The following GON4L variants were observed in gnomAD, a reference collection of about 807,000 sequenced individuals.
GON4L encodes the protein gon-4 like.
A neutral mutation model predicts 211.8 loss-of-function variants in GON4L; 87 were observed. That is an observed-to-expected ratio of 0.41 (90% CI 0.35 to 0.49). GON4L has a LOEUF of 0.49. GON4L is among the 20% of genes least tolerant of loss of function. The probability of loss-of-function intolerance (pLI) is 0.15; values close to 1 mark genes in which losing one functional copy is unlikely to be tolerated. For synonymous variants in GON4L, 875 were observed against 962.6 expected (o/e 0.91, Z 1.68); for missense variants, 2,155 against 2,659.5 (o/e 0.81, Z 4.17).
At chr1:155,810,630 C>T (rs966100559) in intron 10 of GON4L, among the ~76,000 whole-genome samples, 23 of 150,522 alleles carry the variant, frequency 1.5e-4, no homozygotes, top group African/African-American at 5.6e-4. Flanking sequence ...TGACATGAAC[C>T]TGGGAGGCAG....
chr1:155,820,117 T>C (rs1668605722), intron 6 of GON4L, among the ~76,000 whole-genome samples: 1 of 152,172 alleles, frequency 6.6e-6, no homozygotes, highest in African/African-American at 2.4e-5. Flanking sequence ...TTTCACTATG[T>C]TGGCCAGGCT....
intron 10 of GON4L, among the ~76,000 whole-genome samples, chr1:155,810,211 G>T (rs1231592666): frequency 1.3e-5 from 2 of 150,728 alleles, no homozygotes; most frequent in Non-Finnish European, 1.5e-5. Flanking sequence ...GACCAGGCTG[G>T]TCTCAAACCT....
upstream of GON4L, among the ~76,000 whole-genome samples, chr1:155,858,259 A>T (rs531420795): frequency 2.3e-3 from 353 of 152,282 alleles, 2 homozygotes; most frequent in Non-Finnish European, 2.4e-3. Flanking sequence ...CACGGAGATT[A>T]AAAAAATAAT....
intron 1 of GON4L, among the ~76,000 whole-genome samples, chr1:155,855,507 C>T (rs908539476): frequency 2.0e-5 from 3 of 152,094 alleles, no homozygotes; most frequent in Non-Finnish European, 2.9e-5. Context: ...CGGTCCCATC[C>T]AAGCCACTGC....
chr1:155,756,265 T>C (rs1661169650), intron 27 of GON4L, among the ~76,000 whole-genome samples: 1 of 152,190 alleles, frequency 6.6e-6, no homozygotes, highest in Non-Finnish European at 1.5e-5. Context: ...ATTATTAATA[T>C]GGGGAATCTT....
At chr1:155,848,922 C>A (rs1011380682) in intron 2 of GON4L, among the ~76,000 whole-genome samples, 6 of 142,986 alleles carry the variant, frequency 4.2e-5, no homozygotes, top group African/African-American at 1.6e-4. Context: ...CCGAGGCAGG[C>A]GGATCACCTG....
chr1:155,753,515 C>A, intron 28 of GON4L, 101 bp from the exon 29 acceptor site: 1 of 807,450 alleles, frequency 1.2e-6, no homozygotes. Context: ...ATCAAGTCAA[C>A]CCACATGCAT....
intron 6 of GON4L, among the ~76,000 whole-genome samples, chr1:155,818,727 G>T (rs889760252): frequency 6.6e-6 from 1 of 152,198 alleles, no homozygotes; most frequent in Non-Finnish European, 1.5e-5. Context: ...TATGGGACGG[G>T]CACAGTGGCT....
intron 11 of GON4L, among the ~76,000 whole-genome samples, chr1:155,800,262 T>TA (rs939924801): frequency 1.3e-5 from 2 of 151,476 alleles, no homozygotes; most frequent in African/African-American, 4.9e-5. Context: ...CATATACTTT[T>TA]AAAAAATGGT....
intron 14 of GON4L, among the ~76,000 whole-genome samples, chr1:155,783,150 T>C (rs1174245693): frequency 1.3e-5 from 2 of 152,164 alleles, no homozygotes; most frequent in African/African-American, 4.8e-5. Flanking sequence ...TTTGATGTAG[T>C]TGTATTGTGA....
chr1:155,822,566 C>G, intron 3 of GON4L, 90 bp from the exon 4 acceptor site: 1 of 912,248 alleles, frequency 1.1e-6, no homozygotes, highest in Non-Finnish European at 1.8e-6. Context: ...GGATAAATCT[C>G]AAAAGCATTA....
intron 2 of GON4L, among the ~76,000 whole-genome samples, chr1:155,843,002 T>C (rs1670920819): frequency 1.3e-5 from 2 of 152,128 alleles, no homozygotes; most frequent in South Asian, 2.1e-4. Flanking sequence ...CAAACCTGTT[T>C]TTGGTGAATC....
rs1029304154 is a variant in GON4L at position 155,805,129 on chromosome 1, T to G, written c.1465A>C (p.Ser489Arg). The change falls in exon 11 of 32, where the codon AGT becomes CGT. Residue 489 changes from serine (S) to arginine (R), a missense_variant. Ser to Arg is a moderately radical substitution (Grantham distance 110). Coordinates refer to ENST00000368331, the MANE Select transcript of GON4L (RefSeq NM_001282860.2). ...CMDSFQPMDD[S>R]LIAFRTRSKM... ...GAACGCGTTCGAAATGCAATGAGAC[T>G]GTCATCCATGGGCTGGACAATGGAG... 1 of 1,612,450 alleles carries G rather than the reference T, an allele frequency of 6.2e-7. No homozygotes were observed. The highest frequency in any genetic ancestry group is 8.5e-7 in the Non-Finnish European group (1 of 1,178,462).
rs75135756 is a variant in GON4L at position 155,784,318 on chromosome 1, G to T, written c.1789-229C>A. ...CAACCAGTCAACTTGTAACAGTAAG[G>T]ACAGAGCGTGGATAACTCAAAATTA... is the stretch of plus-strand genomic sequence containing the variant. On this transcript the variant is annotated intron_variant, in intron 13 of 31. Transcript: ENST00000368331. 2,815 of 427,082 alleles carry T rather than the reference G, an allele frequency of 6.6e-3. 78 individuals carry two copies. The highest frequency in any genetic ancestry group is 0.055 in the African/African-American group (2,558 of 46,562). The allele number at this position is 427,082 out of a possible 1,614,324, so 26.5% of individuals were successfully genotyped here.
In GON4L at chr1:155,777,755, T is replaced by G; in HGVS notation, c.1958A>C (p.Gln653Pro). The part of the protein sequence containing the change: ...QHRTVKELFE[Q>P]LKMKKSSAKQ... Reference sequence around the variant, plus strand: ...GGCTGAAGATTTCTTCATCTTCAGCTGTTCAAATAGCTCCTTCACTGTCCG... The same window carrying G: ...GGCTGAAGATTTCTTCATCTTCAGCGGTTCAAATAGCTCCTTCACTGTCCG... The change falls in exon 15 of 32, where the codon CAG becomes CCG. Residue 653 changes from glutamine (Q) to proline (P), a missense_variant. Physicochemically the swap from Gln to Pro is moderately conservative, Grantham distance 76 (BLOSUM62 -1). Transcript: ENST00000368331. 1 of 1,613,210 alleles carries G rather than the reference T, an allele frequency of 6.2e-7. No individual in the cohort carries two copies. Among genetic ancestry groups the G allele is most frequent in the Non-Finnish European group, 8.5e-7 (1 of 1,179,136 alleles).
chr1:155,822,907 T>C (rs1477061614), intron 3 of GON4L, among the ~76,000 whole-genome samples: 2 of 152,246 alleles, frequency 1.3e-5, no homozygotes, highest in Non-Finnish European at 2.9e-5. Flanking sequence ...GTGATTCTCC[T>C]GCCTCAGCCT....
chr1:155,751,388 A>G (rs1229207137), intron 31 of GON4L, among the ~76,000 whole-genome samples: 1 of 152,102 alleles, frequency 6.6e-6, no homozygotes, highest in Non-Finnish European at 1.5e-5. Flanking sequence ...TCTACTAAAA[A>G]TAAATAAATT....
At chr1:155,836,308 G>A (rs548877118) in intron 2 of GON4L, among the ~76,000 whole-genome samples, 39 of 147,516 alleles carry the variant, frequency 2.6e-4, no homozygotes, top group Non-Finnish European at 5.1e-4. Context: ...GGAGTGCAGT[G>A]GCACAATCTC....
chr1:155,759,845 A>G (rs1661585642), intron 24 of GON4L, among the ~76,000 whole-genome samples: 1 of 151,578 alleles, frequency 6.6e-6, no homozygotes, highest in East Asian at 1.9e-4. Flanking sequence ...CGCTGTGTAT[A>G]AAACCACCCC....
Sources: gnomAD v4.1 joint callset for allele counts (sites outside exome capture counted in the v4.1 genomes callset) on GRCh38, gnomAD v4.1.1 for gene constraint, MANE v1.5 for transcripts, NCBI Gene and HGNC (gene_info 2026-07-23, HGNC 2026-07-21) for gene names.